Variants in GRID2 observed in about 807,000 individuals in gnomAD.
GRID2 encodes the protein glutamate ionotropic receptor delta type subunit 2.
Under a neutral mutation model 114.8 loss-of-function variants are expected in GRID2, and 33 were observed. The observed-to-expected ratio is 0.29, with a 90% CI of 0.22 to 0.38. GRID2 has a LOEUF of 0.38. Among genes scored for constraint, GRID2 ranks in the 10% least tolerant of loss-of-function variants. The probability of loss-of-function intolerance (pLI) is 1.00; values close to 1 mark genes in which losing one functional copy is unlikely to be tolerated. For synonymous variants in GRID2, 505 were observed against 449.9 expected, an observed-to-expected ratio of 1.12 and a Z score of -1.55; for missense variants, 1,184 against 1,257.7, an observed-to-expected ratio of 0.94 and a Z score of 0.89.
chr4:93,507,349 T>C (rs1036733871), intron 12 of GRID2, among the ~76,000 whole-genome samples: 1 of 152,244 alleles, frequency 6.6e-6, no homozygotes, highest in African/African-American at 2.4e-5. Context: ...CAAGTGGCCA[T>C]TGGCTACGCC....
intron 2 of GRID2, among the ~76,000 whole-genome samples, chr4:92,974,865 G>A (rs889205612): frequency 4.6e-5 from 7 of 151,748 alleles, no homozygotes; most frequent in African/African-American, 9.7e-5. Flanking sequence ...CAAAAAAAGT[G>A]TTGATTAACA....
At chr4:93,034,516 T>C (rs1037982868) in intron 2 of GRID2, among the ~76,000 whole-genome samples, 7 of 152,146 alleles carry the variant, frequency 4.6e-5, no homozygotes, top group Admixed American at 1.3e-4. Context: ...GGTGTTATAC[T>C]GCCCATTGAA....
chr4:92,980,591 C>A (rs1190781708), intron 2 of GRID2, among the ~76,000 whole-genome samples: 1 of 151,836 alleles, frequency 6.6e-6, no homozygotes, highest in Non-Finnish European at 1.5e-5. Context: ...TATCAATTAC[C>A]CTCTGTAGTA....
At chr4:92,564,805 G>A (rs1479618852) in intron 1 of GRID2, among the ~76,000 whole-genome samples, 1 of 151,868 alleles carries the variant, frequency 6.6e-6, no homozygotes. Flanking sequence ...TATTTGGAAT[G>A]TCATATATTT....
At chr4:92,339,348 GT>G (rs1276486015) in intron 1 of GRID2, among the ~76,000 whole-genome samples, 1 of 152,082 alleles carries the variant, frequency 6.6e-6, no homozygotes, top group Non-Finnish European at 1.5e-5. Context: ...AGCAGCTACT[GT>G]ACTCCATATA....
At chr4:92,678,919 G>C (rs1169087109) in intron 2 of GRID2, among the ~76,000 whole-genome samples, 1 of 150,326 alleles carries the variant, frequency 6.7e-6, no homozygotes, top group Non-Finnish European at 1.5e-5. Context: ...CCCATAAAAT[G>C]AGTAACTTGT....
chr4:93,435,437 G>A (rs1720983297), intron 10 of GRID2, among the ~76,000 whole-genome samples: 1 of 152,104 alleles, frequency 6.6e-6, no homozygotes, highest in South Asian at 2.1e-4. Context: ...TAATTAAACA[G>A]CTTGTTATAT....
At chr4:93,395,288 T>A (rs1269278323) in intron 8 of GRID2, among the ~76,000 whole-genome samples, 1 of 151,918 alleles carries the variant, frequency 6.6e-6, no homozygotes, top group African/African-American at 2.4e-5. Context: ...TATGTTAGAG[T>A]TATATGTGCT....
intron 1 of GRID2, among the ~76,000 whole-genome samples, chr4:92,584,923 G>C (rs7690473): frequency 0.38 from 57,711 of 151,812 alleles, 10,961 homozygotes; most frequent in Middle Eastern, 0.46. Context: ...TGAAGCATGA[G>C]AAGGTTTTCA....
intron 1 of GRID2, among the ~76,000 whole-genome samples, chr4:92,321,651 A>G (rs953531149): frequency 1.3e-5 from 2 of 152,176 alleles, no homozygotes; most frequent in African/African-American, 4.8e-5. Context: ...GGGTCTCAGC[A>G]TCTTTTTCTT....
intron 14 of GRID2, among the ~76,000 whole-genome samples, chr4:93,727,425 G>T (rs1376594632): frequency 6.6e-6 from 1 of 152,080 alleles, no homozygotes; most frequent in African/African-American, 2.4e-5. Flanking sequence ...AATGTTCATC[G>T]AGGATATTGG....
At chr4:93,635,067 A>G (rs1721290980) in intron 14 of GRID2, among the ~76,000 whole-genome samples, 1 of 152,126 alleles carries the variant, frequency 6.6e-6, no homozygotes, top group South Asian at 2.1e-4. Flanking sequence ...TATTTCTAAG[A>G]ACCATACAAC....
intron 1 of GRID2, among the ~76,000 whole-genome samples, chr4:92,408,775 G>A (rs1008298492): frequency 6.6e-6 from 1 of 151,852 alleles, no homozygotes; most frequent in African/African-American, 2.4e-5. Flanking sequence ...TTGGTTCTCA[G>A]CTAGAACGTT....
chr4:93,220,237 T>C (rs1744715495), intron 6 of GRID2, among the ~76,000 whole-genome samples: 1 of 151,602 alleles, frequency 6.6e-6, no homozygotes, highest in African/African-American at 2.4e-5. Flanking sequence ...TAAGCCTTTA[T>C]TTATATATAT....
At chr4:92,916,628 G>C (rs1578461465) in intron 2 of GRID2, among the ~76,000 whole-genome samples, 1 of 151,788 alleles carries the variant, frequency 6.6e-6, no homozygotes. Context: ...TTTTGTCCTT[G>C]TGATAGTTTG....
At chr4:92,923,828 G>T (rs185066787) in intron 2 of GRID2, among the ~76,000 whole-genome samples, 1 of 152,142 alleles carries the variant, frequency 6.6e-6, no homozygotes, top group Admixed American at 6.6e-5. Context: ...AACCATTGTG[G>T]AAGTCAGTGA....
chr4:93,769,132 G>A, intron 14 of GRID2, 78 bp from the exon 15 acceptor site: 1 of 1,398,666 alleles, frequency 7.1e-7, no homozygotes, highest in Non-Finnish European at 1.0e-6. Flanking sequence ...TACAGAGGTG[G>A]GATTATAAAT....
intron 8 of GRID2, among the ~76,000 whole-genome samples, chr4:93,369,554 T>C (rs1762671905): frequency 6.6e-6 from 1 of 152,112 alleles, no homozygotes; most frequent in African/African-American, 2.4e-5. Flanking sequence ...CAGTGGACAG[T>C]CATGGCTCAC....
At chr4:93,175,312 A>G (rs1739249809) in intron 4 of GRID2, among the ~76,000 whole-genome samples, 1 of 152,124 alleles carries the variant, frequency 6.6e-6, no homozygotes. Flanking sequence ...CTGGAAGTAG[A>G]GGCATGTACC....
Sources: gnomAD v4.1 joint callset for allele counts (sites outside exome capture counted in the v4.1 genomes callset) on GRCh38, gnomAD v4.1.1 for gene constraint, MANE v1.5 for transcripts, NCBI Gene and HGNC (gene_info 2026-07-23, HGNC 2026-07-21) for gene names.